The following QSOX2 variants were observed in gnomAD, a reference collection of about 807,000 sequenced individuals.
The protein encoded by QSOX2 is quiescin sulfhydryl oxidase 2.
In QSOX2, 46 loss-of-function variants were observed where a neutral mutation model predicts 61.7. The ratio of observed to expected loss-of-function variants is 0.75; its 90% CI spans 0.59 to 0.95. The LOEUF (loss-of-function observed/expected upper bound fraction) is 0.95. Ranked by LOEUF, QSOX2 falls within the 40% of genes least tolerant of loss-of-function variation. The probability of loss-of-function intolerance (pLI) is 0.00; values close to 1 mark genes in which losing one functional copy is unlikely to be tolerated. For missense variants in QSOX2, 879 were observed against 918.9 expected, an observed-to-expected ratio of 0.96 and a Z score of 0.56; for synonymous variants, 383 against 388.4, an observed-to-expected ratio of 0.99 and a Z score of 0.16.
At chr9:136,231,802 G>C (rs1830332613) in intron 1 of QSOX2, among the ~76,000 whole-genome samples, 2 of 152,194 alleles carry the variant, frequency 1.3e-5, no homozygotes, top group South Asian at 4.1e-4. Context: ...GCCCCTACTT[G>C]GCAGATGAGG....
In QSOX2 at chr9:136,222,581, C is replaced by T. The variant is rs981548220; in HGVS notation, c.676-640G>A. 1.3e-5 allele frequency among the ~76,000 whole-genome samples: 2 copies of T among 152,232 alleles called. No homozygotes were observed. Among genetic ancestry groups the T allele is most frequent in the African/African-American group, 2.4e-5 (1 of 41,458 alleles). On this transcript the variant is annotated intron_variant, in intron 5 of 11. Coordinates refer to ENST00000358701, the MANE Select transcript of QSOX2 (RefSeq NM_181701.4). The surrounding 1 kb of genome is among the most constrained non-coding windows in gnomAD (Gnocchi z 6.9). Reference sequence around the variant, plus strand: ...GTGTGAACTGGGCGCCCCGCGTGGCCGTGCCTCTCCTGAGCTGGGTGTGTC... The same window carrying T: ...GTGTGAACTGGGCGCCCCGCGTGGCTGTGCCTCTCCTGAGCTGGGTGTGTC...
At position 136,245,349 on chromosome 9, in the gene QSOX2, G is replaced by A. The variant is rs1345050566; in HGVS notation, c.328+127C>T. ...CGGGTGCCTCTGTGGGGCAGGGACT[G>A]GCTCTGCGGTAAGGAAAGAAATACG... On this transcript the variant is annotated intron_variant, in intron 1 of 11. Coordinates refer to ENST00000358701, the MANE Select transcript of QSOX2 (RefSeq NM_181701.4). 1.1e-5 allele frequency: 9 copies of A among 787,144 alleles called. No homozygotes were observed. The African/African-American group carries it at 1.3e-4, about 11-fold the overall frequency. The allele number at this position is 787,144 out of a possible 1,614,324, so 48.8% of individuals were successfully genotyped here.
chr9:136,220,487 G>A (rs1450048974), intron 6 of QSOX2, among the ~76,000 whole-genome samples: 2 of 152,190 alleles, frequency 1.3e-5, no homozygotes, highest in East Asian at 1.9e-4. Context: ...CTCGGAGCCC[G>A]GCGTGGTGAG....
rs371447635 is a variant in QSOX2, at chr9:136,209,163, C to G, written c.1662G>C (p.Val554=). The change falls in exon 12 of 12, where the codon GTG becomes GTC. Residue 554 remains valine (V), a synonymous_variant. Transcript: ENST00000358701. The surrounding 1 kb of genome is among the most constrained non-coding windows in gnomAD (Gnocchi z 5.6). ...KGLASWDEGH[V]LTFLKQHYGR... ...CATAGTGCTGCTTCAAGAATGTGAG[C>G]ACGTGGCCTTCATCCCAGCTGGCCA... 6.2e-7 allele frequency: 1 copy of G among 1,614,086 alleles called. No homozygotes were observed. Among genetic ancestry groups the G allele is most frequent in the Non-Finnish European group, 8.5e-7 (1 of 1,180,048 alleles).
chr9:136,215,258 T>G lies in QSOX2; in HGVS notation c.1256A>C (p.Gln419Pro), dbSNP rs1831894967. The change falls in exon 10 of 12, where the codon CAA (glutamine) becomes CCA (proline). Residue 419 changes from glutamine to proline, a missense_variant. By Grantham distance (76) the Gln-to-Pro change is moderately conservative (BLOSUM62 -1). Coordinates refer to ENST00000358701, the MANE Select transcript of QSOX2 (RefSeq NM_181701.4). ...LTNHIKWVGC[Q>P]GSRSELRGYP... Reference sequence around the variant, plus strand: ...ACCCCTCAACTCAGATCGGCTTCCTTGACATCCAACCCACTTTATGTGATT... The same window carrying G: ...ACCCCTCAACTCAGATCGGCTTCCTGGACATCCAACCCACTTTATGTGATT... 6.2e-7 allele frequency: 1 copy of G among 1,613,914 alleles called. No homozygotes were observed. The highest frequency in any genetic ancestry group is 1.7e-5 in the Admixed American group (1 of 59,994).
chr9:136,229,593 A>G (rs1321055203), intron 1 of QSOX2, among the ~76,000 whole-genome samples: 1 of 152,228 alleles, frequency 6.6e-6, no homozygotes, highest in African/African-American at 2.4e-5. Context: ...TGCACACACA[A>G]CAGAATCACG....
intron 1 of QSOX2, among the ~76,000 whole-genome samples, chr9:136,230,792 C>T (rs1830322793): frequency 6.6e-6 from 1 of 152,172 alleles, no homozygotes; most frequent in Non-Finnish European, 1.5e-5. Context: ...CCAGAGGATC[C>T]GCCAGACCCA....
intron 10 of QSOX2, 36 bp from the exon 11 acceptor site, chr9:136,211,488 G>GC (rs1831845429): frequency 1.2e-6 from 2 of 1,604,180 alleles, no homozygotes; most frequent in Admixed American, 3.3e-5. Flanking sequence ...AACGGCAGGT[G>GC]CGTGGGCATC....
Position 136,243,834 on chromosome 9 carries a change from C to T in QSOX2, c.328+1642G>A, listed in dbSNP as rs868645063. 3.3e-5 allele frequency among the ~76,000 whole-genome samples: 5 copies of T among 152,248 alleles called. No individual in the cohort carries two copies. The South Asian group carries it at 6.2e-4, about 19-fold the overall frequency. ...TCCAGTCTCAGTCTCAGGCACAAGC[C>T]TGTTCTTCCTGTCGTGACTGGGAAG... On this transcript the variant is annotated intron_variant, in intron 1 of 11. Coordinates refer to ENST00000358701, the MANE Select transcript of QSOX2 (RefSeq NM_181701.4).
intron 10 of QSOX2, among the ~76,000 whole-genome samples, chr9:136,212,945 C>A (rs549958485): frequency 6.6e-6 from 1 of 152,206 alleles, no homozygotes; most frequent in Non-Finnish European, 1.5e-5. Context: ...GCGGAAGGAG[C>A]GCTGAGGGTC....
intron 1 of QSOX2, among the ~76,000 whole-genome samples, chr9:136,227,593 A>G (rs1393582532): frequency 1.3e-5 from 2 of 152,350 alleles, no homozygotes; most frequent in East Asian, 1.9e-4. Context: ...CTGTTTTGCC[A>G]AAGTCTCCAC....
Position 136,208,922 on chromosome 9 carries a change from T to C in QSOX2, c.1903A>G (p.Ser635Gly). Residue 635 changes from serine (S) to glycine (G), a missense_variant, in exon 12 of 12, where the codon AGT becomes GGT. Transcript: ENST00000358701. ...LHHSLDGKLQ[S>G]LDGPGAHKEV... ...TTGTGGGCCCCGGGCCCATCCAGACTCTGGAGTTTCCCGTCCAAGCTGTGA... is the reference window on the plus strand; with the variant it reads ...TTGTGGGCCCCGGGCCCATCCAGACCCTGGAGTTTCCCGTCCAAGCTGTGA... 1.9e-6 allele frequency: 3 copies of C among 1,613,798 alleles called. No individual in the cohort carries two copies. Among genetic ancestry groups the C allele is most frequent in the Non-Finnish European group, 2.5e-6 (3 of 1,179,934 alleles).
chr9:136,235,383 C>T (rs1005104038), intron 1 of QSOX2, among the ~76,000 whole-genome samples: 8 of 152,232 alleles, frequency 5.3e-5, no homozygotes, highest in East Asian at 1.9e-4. Flanking sequence ...CGGGGAGTGA[C>T]GACCAAGGAA....
chr9:136,238,103 C>T (rs543782988), intron 1 of QSOX2, among the ~76,000 whole-genome samples: 146 of 152,324 alleles, frequency 9.6e-4, no homozygotes, highest in African/African-American at 3.3e-3. Flanking sequence ...CACAGATGTC[C>T]GTGCCCCAGG....
intron 8 of QSOX2, among the ~76,000 whole-genome samples, chr9:136,217,277 CTCTG>C (rs1024491480): frequency 2.0e-5 from 3 of 152,244 alleles, no homozygotes; most frequent in African/African-American, 7.2e-5. Flanking sequence ...GATCCCAGGG[CTCTG>C]TCTTTTTAGG....
intron 1 of QSOX2, among the ~76,000 whole-genome samples, chr9:136,230,605 A>G (rs1299030960): frequency 1.3e-5 from 2 of 152,224 alleles, no homozygotes; most frequent in Non-Finnish European, 2.9e-5. Context: ...CCACCCTGTC[A>G]CTGGCTCCTC....
chr9:136,242,382 G>A (rs115660581), intron 1 of QSOX2, among the ~76,000 whole-genome samples: 2,795 of 152,350 alleles, frequency 0.018, 79 homozygotes, highest in African/African-American at 0.063. Flanking sequence ...AGGGCGTGGC[G>A]GGCGCTGGCC....
intron 1 of QSOX2, among the ~76,000 whole-genome samples, chr9:136,233,784 C>T (rs894703911): frequency 6.6e-6 from 1 of 152,242 alleles, no homozygotes; most frequent in Non-Finnish European, 1.5e-5. Context: ...CACAAACGCA[C>T]CATCACCTGG....
chr9:136,239,288 T>A (rs915950397), intron 1 of QSOX2, among the ~76,000 whole-genome samples: 5 of 152,190 alleles, frequency 3.3e-5, no homozygotes, highest in African/African-American at 4.8e-5. Flanking sequence ...GCTCGAGTGA[T>A]CTTCCCATCT....
Sources: allele counts gnomAD v4.1 joint callset (sites outside exome capture counted in the v4.1 genomes callset), GRCh38; gene constraint gnomAD v4.1.1; non-coding constraint Gnocchi (gnomAD v3.1); transcripts MANE v1.5; gene names NCBI Gene and HGNC (gene_info 2026-07-23, HGNC 2026-07-21).